Variants in CEP120 observed in about 807,000 individuals in gnomAD.
CEP120 encodes centrosomal protein 120.
A neutral mutation model predicts 126.5 loss-of-function variants in CEP120; 113 were observed. The ratio of observed to expected loss-of-function variants is 0.89; its 90% CI spans 0.77 to 1.04. The LOEUF is 1.04. Among genes scored for constraint, CEP120 ranks in the 50% least tolerant of loss-of-function variants. CEP120 has a pLI of 0.00. For missense variants in CEP120, 1,230 were observed against 1,155.7 expected, an observed-to-expected ratio of 1.06 and a Z score of -0.93; for synonymous variants, 400 against 394.3, an observed-to-expected ratio of 1.01 and a Z score of -0.17.
intron 5 of CEP120, among the ~76,000 whole-genome samples, chr5:123,397,223 G>T (rs759445898): frequency 6.6e-6 from 1 of 152,046 alleles, no homozygotes; most frequent in African/African-American, 2.4e-5. Context: ...ACTTGGGAGG[G>T]TGAGGCAGGA....
At chr5:123,413,238 C>T (rs1432891071) in intron 3 of CEP120, among the ~76,000 whole-genome samples, 1 of 151,336 alleles carries the variant, frequency 6.6e-6, no homozygotes, top group African/African-American at 2.4e-5. Context: ...CACCACTGCA[C>T]TCCAGCCTGA....
At chr5:123,416,248 T>C in intron 2 of CEP120, 124 bp from the exon 3 acceptor site, 3 of 635,930 alleles carry the variant, frequency 4.7e-6, no homozygotes, top group Non-Finnish European at 8.2e-6. Context: ...CTATTTTACA[T>C]TGTCTAAAAA....
At chr5:123,401,891 C>T in intron 4 of CEP120, 3 of 1,559,836 alleles carry the variant, frequency 1.9e-6, no homozygotes, top group Non-Finnish European at 2.6e-6. Flanking sequence ...CCAGAGTCTC[C>T]AGCTGCCGCC....
At chr5:123,422,908 T>A (rs754675830) in intron 1 of CEP120, 42 bp downstream of exon 1, 1 of 1,585,436 alleles carries the variant, frequency 6.3e-7, no homozygotes, top group South Asian at 1.1e-5. Context: ...CTTTTAAAAC[T>A]CGGGAGGCAG....
At chr5:123,347,218 T>G (rs977534725) in intron 19 of CEP120, among the ~76,000 whole-genome samples, 1 of 152,200 alleles carries the variant, frequency 6.6e-6, no homozygotes, top group Non-Finnish European at 1.5e-5. Context: ...TCATTAAATG[T>G]TCCTCTAAAT....
rs528834477 is a variant in CEP120, at chr5:123,400,849, C to A, written c.464-1565G>T. On this transcript the variant is annotated intron_variant, in intron 4 of 19. Transcript: ENST00000306467. ...GTCTCCTGTTCCCAGTGCTACCCTGCATAGTGACCTCCCTCCCAGGCTCTG... is the reference window on the plus strand; with the variant it reads ...GTCTCCTGTTCCCAGTGCTACCCTGAATAGTGACCTCCCTCCCAGGCTCTG... 2.6e-4 allele frequency: 250 copies of A among 955,290 alleles called. No homozygotes were observed. The African/African-American group carries it at 3.2e-3, about 12-fold the overall frequency. 59.2% of individuals were successfully genotyped at this position (955,290 alleles called of 1,614,324 possible). A position where few individuals can be genotyped will look rare whatever the true frequency, so the allele number is the denominator to read the frequency against.
chr5:123,422,644 A>C, intron 1 of CEP120: 1 of 1,083,962 alleles, frequency 9.2e-7, no homozygotes, highest in South Asian at 1.3e-5. Flanking sequence ...GCTTCTCAGG[A>C]CCACGTTCAG....
chr5:123,412,500 T>C lies in CEP120; in HGVS notation c.362A>G (p.Lys121Arg), dbSNP rs147273517. The stretch of plus-strand genomic sequence containing the variant: ...ACTTATCTGTATCTCAGACTTGAAT[T>C]TGGTGTATTTATTACTCAGCAACTG... ...WYQLLSNKYTKFKSEIQISIA... is the reference protein window; with the variant it reads ...WYQLLSNKYTRFKSEIQISIA... The change falls in exon 4 of 20, where the codon AAA (lysine) becomes AGA (arginine). Residue 121 changes from lysine to arginine, a missense_variant. Physicochemically the swap from Lys to Arg is conservative, Grantham distance 26. Coordinates refer to ENST00000306467, the MANE Select transcript of CEP120 (RefSeq NM_001375405.1). The C allele has an allele frequency of 8.9e-4, 1,431 of 1,611,802 alleles. 13 individuals are homozygous for C. In the African/African-American group the frequency reaches 0.017, roughly 19 times the overall value.
intron 4 of CEP120, chr5:123,400,803 C>T (rs914139185): frequency 4.9e-5 from 38 of 771,472 alleles, no homozygotes; most frequent in Non-Finnish European, 7.7e-5. Flanking sequence ...GGACTGAGGC[C>T]TAGGGCTGAG....
chr5:123,423,073 A>G lies in CEP120; in HGVS notation c.-75T>C. ...CCAGTTGAGTCGCGGGTAATCCGGGACCCCCGGCGGGACCCCCACTGCCCG... is the reference window on the plus strand; with the variant it reads ...CCAGTTGAGTCGCGGGTAATCCGGGGCCCCCGGCGGGACCCCCACTGCCCG... On this transcript the variant is annotated 5_prime_UTR_variant, in exon 1 of 20. Transcript: ENST00000306467. 2 of 1,338,698 alleles carry G rather than the reference A, an allele frequency of 1.5e-6. No homozygotes were observed. The highest frequency in any genetic ancestry group is 2.3e-5 in the East Asian group (1 of 43,096). The allele number at this position is 1,338,698 out of a possible 1,614,324, so 82.9% of individuals were successfully genotyped here.
rs1482369180 is a variant in CEP120 at position 123,378,447 on chromosome 5, A to G, written c.2104-19T>C. On this transcript the variant is annotated intron_variant, in intron 14 of 19. Coordinates refer to ENST00000306467, the MANE Select transcript of CEP120 (RefSeq NM_001375405.1). ...CAGCCACCTAAAATATAGTAAAAAA[A>G]AAAAAAAAAAAGTTACCTACCTTCT... 8.8e-7 allele frequency: 1 copy of G among 1,142,168 alleles called. No individual in the cohort carries two copies. Among genetic ancestry groups the G allele is most frequent in the Middle Eastern group, 2.3e-4 (1 of 4,420 alleles). The allele number at this position is 1,142,168 out of a possible 1,614,324, so 70.8% of individuals were successfully genotyped here.
rs903762206 is a variant in CEP120, at chr5:123,348,108, C to T, written c.2727-1355G>A. ...CAAATCACACCATTATTAGAGGCCACGTAAGTTCTCCTAGGCTTCTTCACA... is the reference window on the plus strand; with the variant it reads ...CAAATCACACCATTATTAGAGGCCATGTAAGTTCTCCTAGGCTTCTTCACA... On this transcript the variant is annotated intron_variant, in intron 19 of 19. Transcript: ENST00000306467. Among the ~76,000 whole-genome samples, 9 of 152,142 alleles carry T rather than the reference C, an allele frequency of 5.9e-5. No homozygotes were observed. The South Asian group carries it at 6.2e-4, about 10-fold the overall frequency.
intron 17 of CEP120, among the ~76,000 whole-genome samples, chr5:123,371,942 A>AAGTT (rs1165266593): frequency 6.6e-6 from 1 of 152,116 alleles, no homozygotes; most frequent in Non-Finnish European, 1.5e-5. Context: ...TCATGCCTAA[A>AAGTT]AGTTATTAAA....
intron 3 of CEP120, 105 bp downstream of exon 3, chr5:123,415,905 G>C (rs1483727126): frequency 4.2e-6 from 3 of 710,682 alleles, no homozygotes; most frequent in Non-Finnish European, 7.1e-6. Context: ...TCAAGTCTAT[G>C]ACTGATCAGG....
intron 8 of CEP120, among the ~76,000 whole-genome samples, chr5:123,389,288 TAAC>T (rs1424616625): frequency 1.3e-5 from 2 of 152,100 alleles, no homozygotes; most frequent in African/African-American, 4.8e-5. Context: ...AAGAGGCAGT[TAAC>T]AACTGTTTTC....
At position 123,416,082 on chromosome 5, in the gene CEP120, A is replaced by G. The variant is rs991799712; in HGVS notation, c.249T>C (p.Asp83=). Residue 83 remains aspartate (D), a synonymous_variant, in exon 3 of 20, where the codon GAT becomes GAC. Coordinates refer to ENST00000306467, the MANE Select transcript of CEP120 (RefSeq NM_001375405.1). ...TGGTTTCCTTGGCTGAAGTTACAGG[A>G]TCCAAGGCAAAACATTGGAGTTTGA... The part of the protein sequence containing the change: ...TPIKLQCFAL[D]PVTSAKETIG... 2.5e-6 allele frequency: 4 copies of G among 1,613,928 alleles called. No homozygotes were observed. The highest frequency in any genetic ancestry group is 3.4e-6 in the Non-Finnish European group (4 of 1,179,906).
intron 19 of CEP120, among the ~76,000 whole-genome samples, chr5:123,348,809 A>G (rs778929127): frequency 1.3e-5 from 2 of 152,170 alleles, no homozygotes; most frequent in African/African-American, 4.8e-5. Flanking sequence ...GTGAACTCTC[A>G]TCATGGGATT....
At position 123,346,382 on chromosome 5, in the gene CEP120, A is replaced by G. The variant is rs1768816110; in HGVS notation, c.*137T>C. 1 of 618,280 alleles carries G rather than the reference A, an allele frequency of 1.6e-6. No homozygotes were observed. Among genetic ancestry groups the G allele is most frequent in the Admixed American group, 3.3e-5 (1 of 30,666 alleles). The allele number at this position is 618,280 out of a possible 1,614,324, so 38.3% of individuals were successfully genotyped here. ...AAGTAAATAAGATCAAATAAATACT[A>G]TACAATAACATACAAAATTTTGCTT... is the stretch of plus-strand genomic sequence containing the variant. On this transcript the variant is annotated 3_prime_UTR_variant, in exon 20 of 20. Transcript: ENST00000306467.
Position 123,393,488 on chromosome 5 carries a change from A to C in CEP120, c.622T>G (p.Cys208Gly). The C allele has an allele frequency of 6.2e-7, 1 of 1,613,398 alleles. No homozygotes were observed. Among genetic ancestry groups the C allele is most frequent in the Non-Finnish European group, 8.5e-7 (1 of 1,179,402 alleles). The part of the protein sequence containing the change: ...FATQLEQLIP[C>G]TMKLPERQPE... ...TGTCTTTCTGGAAGTTTCATGGTAC[A>C]TGGAATTAACTAAACATTTCAGGAA... The change falls in exon 6 of 20, where the codon TGT becomes GGT. Residue 208 changes from cysteine to glycine, a missense_variant. Cys to Gly is a radical substitution (Grantham distance 159). Transcript: ENST00000306467.
Sources: allele counts gnomAD v4.1 joint callset (sites outside exome capture counted in the v4.1 genomes callset), GRCh38; gene constraint gnomAD v4.1.1; transcripts MANE v1.5; gene names NCBI Gene and HGNC (gene_info 2026-07-23, HGNC 2026-07-21).